The following KCNN3 variants were observed in gnomAD, a reference collection of about 807,000 sequenced individuals.
KCNN3 encodes the protein small conductance calcium-activated potassium channel protein 3.
A neutral mutation model predicts 62.9 loss-of-function variants in KCNN3; 16 were observed. The ratio of observed to expected loss-of-function variants is 0.25; its 90% CI spans 0.17 to 0.39. KCNN3 has a LOEUF of 0.39. Among genes scored for constraint, KCNN3 ranks in the 10% least tolerant of loss-of-function variants. KCNN3 has a pLI of 1.00. For missense variants in KCNN3, 599 were observed against 949.4 expected (o/e 0.63, Z 4.85); for synonymous variants, 370 against 389.2 (o/e 0.95, Z 0.58).
chr1:154,733,144 C>T lies in KCNN3; in HGVS notation c.1449G>A (p.Arg483=), dbSNP rs763234530. The T allele has an allele frequency of 2.8e-5, 46 of 1,614,180 alleles. No homozygotes were observed. Among genetic ancestry groups the T allele is most frequent in the Non-Finnish European group, 3.6e-5 (42 of 1,180,022 alleles). Residue 483 remains arginine (R), a splice_region_variant and synonymous_variant, in exon 4 of 8, where the codon AGG becomes AGA. Coordinates refer to ENST00000271915, the MANE Select transcript of KCNN3 (RefSeq NM_002249.6). ...IAAWTVRVCE[R]YHDQQDVTSN... ...TAGTTACGTCCTGCTGGTCATGGTA[C>T]CTGCCAATGGGAAGACAGGAGTTAG...
At chr1:154,785,576 T>C (rs1354639412) in intron 2 of KCNN3, among the ~76,000 whole-genome samples, 1 of 82,034 alleles carries the variant, frequency 1.2e-5, no homozygotes, top group South Asian at 4.5e-4. Flanking sequence ...CTTTTTCTTT[T>C]TTTTTTTTTT....
chr1:154,725,014 A>C, intron 5 of KCNN3, among the ~76,000 whole-genome samples: 1 of 151,860 alleles, frequency 6.6e-6, no homozygotes, highest in Admixed American at 6.6e-5. Context: ...CTGCCACCAC[A>C]CCCAGCTAAT....
chr1:154,734,329 A>G (rs2101794239), intron 3 of KCNN3, among the ~76,000 whole-genome samples: 1 of 152,338 alleles, frequency 6.6e-6, no homozygotes, highest in African/African-American at 2.4e-5. Flanking sequence ...CTGGATGGGG[A>G]AAGCTAAGAA....
intron 3 of KCNN3, among the ~76,000 whole-genome samples, chr1:154,759,468 T>C (rs1383822542): frequency 2.0e-5 from 3 of 152,220 alleles, no homozygotes; most frequent in Admixed American, 2.0e-4. Flanking sequence ...CTGACGTCAC[T>C]TACAGGAACC....
chr1:154,801,258 G>A (rs781353788), intron 2 of KCNN3, among the ~76,000 whole-genome samples: 27 of 152,266 alleles, frequency 1.8e-4, no homozygotes, highest in East Asian at 3.9e-4. Flanking sequence ...GAAGAAGGCC[G>A]TTTGCATTCT....
At chr1:154,810,276 C>T (rs1384785631) in intron 2 of KCNN3, among the ~76,000 whole-genome samples, 2 of 152,098 alleles carry the variant, frequency 1.3e-5, no homozygotes, top group African/African-American at 2.4e-5. Flanking sequence ...CAGACTCAGC[C>T]CAGGCAGATG....
At chr1:154,846,307 T>C (rs1026751720) in intron 1 of KCNN3, among the ~76,000 whole-genome samples, 2 of 152,168 alleles carry the variant, frequency 1.3e-5, no homozygotes, top group African/African-American at 4.8e-5. Context: ...CATGCTGCTA[T>C]TGCAATCATC....
intron 2 of KCNN3, among the ~76,000 whole-genome samples, chr1:154,801,545 T>C (rs1649954164): frequency 6.6e-6 from 1 of 152,118 alleles, no homozygotes; most frequent in African/African-American, 2.4e-5. Flanking sequence ...GCCAAAAAAG[T>C]TCTTTAACTA....
chr1:154,817,704 G>A (rs922729789), intron 2 of KCNN3, among the ~76,000 whole-genome samples: 2 of 152,190 alleles, frequency 1.3e-5, no homozygotes, highest in African/African-American at 4.8e-5. Context: ...CTTCCAGGAT[G>A]GCACCAGGGC....
chr1:154,794,207 C>T (rs2101866229), intron 2 of KCNN3, among the ~76,000 whole-genome samples: 1 of 152,346 alleles, frequency 6.6e-6, no homozygotes, highest in African/African-American at 2.4e-5. Context: ...GTACTTACCA[C>T]AGTTGTAATT....
rs1650514160 is a variant in KCNN3 at position 154,813,362 on chromosome 1, G to A, written c.1029+8727C>T. Among the ~76,000 whole-genome samples, 3 of 152,272 alleles carry A rather than the reference G, an allele frequency of 2.0e-5. No individual in the cohort carries two copies. The South Asian group carries it at 6.2e-4, about 32-fold the overall frequency. On this transcript the variant is annotated intron_variant, in intron 2 of 7. Coordinates refer to ENST00000271915, the MANE Select transcript of KCNN3 (RefSeq NM_002249.6). ...CATGGCCTAGGGCGAGGACAAGTGTGTGGTTTCCAAGGTAACACATAGCTG... is the reference window on the plus strand; with the variant it reads ...CATGGCCTAGGGCGAGGACAAGTGTATGGTTTCCAAGGTAACACATAGCTG...
In KCNN3 at chr1:154,869,994, C is replaced by T; in HGVS notation, c.-30G>A. 6.2e-7 allele frequency: 1 copy of T among 1,604,142 alleles called. No homozygotes were observed. Among genetic ancestry groups the T allele is most frequent in the Non-Finnish European group, 8.5e-7 (1 of 1,174,880 alleles). Reference sequence around the variant, plus strand: ...GGGCCTGGCTGTATTCCCTGCAGCACAAGCCCCCACCCCAAAGCCACCCTC... The same window carrying T: ...GGGCCTGGCTGTATTCCCTGCAGCATAAGCCCCCACCCCAAAGCCACCCTC... On this transcript the variant is annotated 5_prime_UTR_variant, in exon 1 of 8. The change creates a new upstream start codon in the 5' untranslated region. Transcript: ENST00000271915. The surrounding 1 kb of genome is among the most constrained non-coding windows in gnomAD (Gnocchi z 6.1).
chr1:154,721,214 C>T (rs1364874873), intron 5 of KCNN3, among the ~76,000 whole-genome samples: 2 of 151,904 alleles, frequency 1.3e-5, no homozygotes, highest in African/African-American at 4.8e-5. Flanking sequence ...GAGTAGGTAC[C>T]GCAAAGAAAA....
chr1:154,841,626 G>A (rs747716724), intron 1 of KCNN3, among the ~76,000 whole-genome samples: 3 of 152,180 alleles, frequency 2.0e-5, no homozygotes, highest in Non-Finnish European at 4.4e-5. Context: ...GTTCATGCCT[G>A]TTATTCCATC....
intron 2 of KCNN3, among the ~76,000 whole-genome samples, chr1:154,785,410 T>C (rs921933330): frequency 2.0e-5 from 3 of 152,060 alleles, no homozygotes; most frequent in Non-Finnish European, 4.4e-5. Flanking sequence ...TTTCCCCAAC[T>C]GACTAAAAGG....
chr1:154,840,975 T>A (rs1297659226), intron 1 of KCNN3, among the ~76,000 whole-genome samples: 1 of 152,168 alleles, frequency 6.6e-6, no homozygotes, highest in Non-Finnish European at 1.5e-5. Context: ...GAACCAGCAT[T>A]TCCATTCCCA....
chr1:154,771,058 G>GATAA (rs112864449), intron 3 of KCNN3, among the ~76,000 whole-genome samples: 6,645 of 136,512 alleles, frequency 0.049, 312 homozygotes, highest in African/African-American at 0.12. Flanking sequence ...CTCCATCTCA[G>GATAA]ATAAATAAAT....
At chr1:154,852,421 C>T (rs1481857510) in intron 1 of KCNN3, among the ~76,000 whole-genome samples, 4 of 151,358 alleles carry the variant, frequency 2.6e-5, no homozygotes, top group East Asian at 1.9e-4. Context: ...GTTACATTAC[C>T]CAGGCTGGAC....
chr1:154,753,971 G>A (rs979362361), intron 3 of KCNN3, among the ~76,000 whole-genome samples: 3 of 152,282 alleles, frequency 2.0e-5, no homozygotes, highest in South Asian at 2.1e-4. Context: ...GGCTATGAGC[G>A]CACGTTTCTG....
Sources: allele counts gnomAD v4.1 joint callset (sites outside exome capture counted in the v4.1 genomes callset), GRCh38; gene constraint gnomAD v4.1.1; non-coding constraint Gnocchi (gnomAD v3.1); transcripts MANE v1.5; gene names NCBI Gene and HGNC (gene_info 2026-07-23, HGNC 2026-07-21).